Variants in PTPDC1 observed in about 807,000 individuals in gnomAD.
PTPDC1 encodes the protein protein tyrosine phosphatase domain-containing protein 1.
PTPDC1 carries 53 observed loss-of-function variants against 75.3 expected under a neutral mutation model. The ratio of observed to expected loss-of-function variants is 0.70; its 90% confidence interval spans 0.56 to 0.88. PTPDC1 has a LOEUF of 0.88. Ranked by LOEUF, PTPDC1 falls within the 40% of genes least tolerant of loss-of-function variation. The probability of loss-of-function intolerance (pLI) is 0.00; values close to 1 mark genes in which losing one functional copy is unlikely to be tolerated. For synonymous variants in PTPDC1, 349 were observed against 366.2 expected (o/e 0.95, Z 0.54); for missense variants, 925 against 998.6 (o/e 0.93, Z 0.99).
rs199730749 is a variant in PTPDC1, at chr9:94,084,643, G to A, written c.113G>A (p.Arg38Gln). The A allele has an allele frequency of 5.7e-4, 915 of 1,613,328 alleles. 1 individual carries two copies. Among genetic ancestry groups the A allele is most frequent in the South Asian group, 1.5e-3 (140 of 91,018 alleles). The stretch of plus-strand genomic sequence containing the variant: ...CCAGTACTGCGGCTGCAGCAGGCCC[G>A]GCGGGGCTCTGGCTTGGGCTCCGGC... ...SDPVLRLQQA[R>Q]RGSGLGSGSA... The change falls in exon 1 of 9, where the codon CGG becomes CAG. Residue 38 changes from arginine (R) to glutamine (Q), a missense_variant. Arg to Gln is a conservative substitution (Grantham distance 43). Coordinates refer to ENST00000620992, the MANE Select transcript of PTPDC1 (RefSeq NM_001253829.2).
At chr9:94,089,175 C>G (rs948761817) in intron 4 of PTPDC1, among the ~76,000 whole-genome samples, 6 of 145,774 alleles carry the variant, frequency 4.1e-5, no homozygotes, top group African/African-American at 1.5e-4. Flanking sequence ...GTGCACTGCA[C>G]CCACTAACTC....
At chr9:94,088,657 T>G (rs76008037) in intron 4 of PTPDC1, among the ~76,000 whole-genome samples, 6,853 of 152,220 alleles carry the variant, frequency 0.045, 526 homozygotes, top group African/African-American at 0.16. Flanking sequence ...TAGTCAGGTT[T>G]GGAACCTGGA....
chr9:94,084,184 C>T (rs1826981283), upstream of PTPDC1, among the ~76,000 whole-genome samples: 1 of 152,164 alleles, frequency 6.6e-6, no homozygotes, highest in Non-Finnish European at 1.5e-5. Flanking sequence ...ATCAGGAAGA[C>T]AGTTTTCTAA....
At chr9:94,041,623 C>A (rs752834938) in intron 1 of PTPDC1, among the ~76,000 whole-genome samples, 21 of 152,142 alleles carry the variant, frequency 1.4e-4, no homozygotes, top group Non-Finnish European at 2.2e-4. Flanking sequence ...TAACTTAATA[C>A]TGCATTATTT....
intron 1 of PTPDC1, among the ~76,000 whole-genome samples, chr9:94,039,626 A>T (rs1825372536): frequency 6.6e-6 from 1 of 152,066 alleles, no homozygotes; most frequent in Non-Finnish European, 1.5e-5. Flanking sequence ...TCTACAAAAA[A>T]TTTTTTAAAT....
chr9:94,082,145 C>G (rs1393287531), upstream of PTPDC1, among the ~76,000 whole-genome samples: 7 of 152,200 alleles, frequency 4.6e-5, no homozygotes, highest in African/African-American at 1.7e-4. Flanking sequence ...TTTGAGCTGT[C>G]TAACAGTGGA....
At chr9:94,061,387 A>T (rs1480812786) in intron 1 of PTPDC1, among the ~76,000 whole-genome samples, 1 of 152,172 alleles carries the variant, frequency 6.6e-6, no homozygotes, top group Non-Finnish European at 1.5e-5. Context: ...AGACTTTGTC[A>T]TTCCAGGGTC....
chr9:94,098,765 G>A (rs1464327995), intron 6 of PTPDC1, 186 bp downstream of exon 6: 4 of 617,410 alleles, frequency 6.5e-6, no homozygotes, highest in Non-Finnish European at 1.1e-5. Context: ...CAGGGTGTTT[G>A]TATGGTTTCA....
intron 4 of PTPDC1, among the ~76,000 whole-genome samples, chr9:94,094,752 G>A (rs76646624): frequency 6.6e-6 from 1 of 152,214 alleles, no homozygotes; most frequent in African/African-American, 2.4e-5. Context: ...AGGACCCTCC[G>A]AGCCAGGTGC....
At chr9:94,037,461 C>T (rs1825305958) in intron 1 of PTPDC1, among the ~76,000 whole-genome samples, 3 of 151,988 alleles carry the variant, frequency 2.0e-5, no homozygotes, top group Admixed American at 2.0e-4. Flanking sequence ...TATATGTGTA[C>T]TTATTTTATA....
At chr9:94,060,330 A>C (rs1826088528) in intron 1 of PTPDC1, among the ~76,000 whole-genome samples, 1 of 152,216 alleles carries the variant, frequency 6.6e-6, no homozygotes, top group Non-Finnish European at 1.5e-5. Context: ...TATTGTGGAG[A>C]GTGTGCTCAC....
chr9:94,064,623 C>A, intron 1 of PTPDC1: 2 of 660,718 alleles, frequency 3.0e-6, no homozygotes, highest in South Asian at 1.9e-5. Context: ...AAGTATCTGC[C>A]ACTTGGCCAG....
chr9:94,065,852 T>C (rs1159380073), intron 2 of PTPDC1, among the ~76,000 whole-genome samples: 1 of 152,208 alleles, frequency 6.6e-6, no homozygotes, highest in Non-Finnish European at 1.5e-5. Context: ...AACACAAGAA[T>C]GATGTCTAGT....
At chr9:94,081,156 A>G (rs1166136508), upstream of PTPDC1, among the ~76,000 whole-genome samples, 1 of 151,810 alleles carries the variant, frequency 6.6e-6, no homozygotes, top group Non-Finnish European at 1.5e-5. Flanking sequence ...CACCCAGCCC[A>G]TTTTTGTATT....
At chr9:94,062,522 G>A (rs1705991657) in intron 1 of PTPDC1, among the ~76,000 whole-genome samples, 1 of 152,188 alleles carries the variant, frequency 6.6e-6, no homozygotes. Context: ...AAGAAAAGAG[G>A]TCTGATTGCC....
chr9:94,093,995 T>C (rs1207301906), intron 4 of PTPDC1, among the ~76,000 whole-genome samples: 1 of 152,162 alleles, frequency 6.6e-6, no homozygotes, highest in Non-Finnish European at 1.5e-5. Context: ...CTAAATTTTT[T>C]TCAAAGTTTT....
At chr9:94,103,757 C>G (rs1053197408) in intron 7 of PTPDC1, among the ~76,000 whole-genome samples, 1 of 152,152 alleles carries the variant, frequency 6.6e-6, no homozygotes, top group Non-Finnish European at 1.5e-5. Flanking sequence ...TATCTTACCC[C>G]CTTAGGTTGG....
intron 3 of PTPDC1, 112 bp from the exon 4 acceptor site, chr9:94,088,033 A>G (rs1460601387): frequency 1.4e-6 from 2 of 1,466,510 alleles, no homozygotes; most frequent in Non-Finnish European, 1.9e-6. Context: ...TGTATTTCAA[A>G]TGAGAAATTA....
rs187288417 is a variant in PTPDC1, at chr9:94,048,902, A to G, written c.-6-15832A>G. Among the ~76,000 whole-genome samples the G allele has an allele frequency of 2.0e-5, 3 of 152,210 alleles. No individual in the cohort carries two copies. In the East Asian group the frequency reaches 5.8e-4, roughly 29 times the overall value. ...ATCTGGGTGCTCCTGTATTGGGTGT[A>G]TATATGTTTAGGGTAGTTAGCTCTT... On this transcript the variant is annotated intron_variant, in intron 1 of 9. Transcript: ENST00000375360.
Sources: allele counts gnomAD v4.1 joint callset (sites outside exome capture counted in the v4.1 genomes callset), GRCh38; gene constraint gnomAD v4.1.1; transcripts MANE v1.5; gene names NCBI Gene and HGNC (gene_info 2026-07-23, HGNC 2026-07-21).